RASGRP1: variants seen among roughly 807,000 people sequenced by gnomAD.
The protein encoded by RASGRP1 is RAS guanyl releasing protein 1.
Under a neutral mutation model 95.1 loss-of-function variants are expected in RASGRP1, and 37 were observed. The ratio of observed to expected loss-of-function variants is 0.39; its 90% CI spans 0.30 to 0.51. The LOEUF is 0.51. Among genes scored for constraint, RASGRP1 ranks in the 20% least tolerant of loss-of-function variants. The pLI, the probability that RASGRP1 is intolerant of heterozygous loss-of-function variation, is 0.80. For missense variants in RASGRP1, 711 were observed against 965.4 expected, an observed-to-expected ratio of 0.74 and a Z score of 3.49; for synonymous variants, 325 against 353.4, an observed-to-expected ratio of 0.92 and a Z score of 0.90.
chr15:38,525,716 G>A (rs1410778382), intron 3 of RASGRP1, among the ~76,000 whole-genome samples: 1 of 152,182 alleles, frequency 6.6e-6, no homozygotes, highest in Non-Finnish European at 1.5e-5. Flanking sequence ...TTTTGTGGGG[G>A]CTGCTGCTTA....
intron 2 of RASGRP1, among the ~76,000 whole-genome samples, chr15:38,556,226 T>C (rs1893546483): frequency 1.3e-5 from 2 of 151,862 alleles, no homozygotes; most frequent in Admixed American, 1.3e-4. Flanking sequence ...AAGGCGGGAG[T>C]GGGTTGTTTC....
In RASGRP1 at chr15:38,564,423, G is replaced by T. The variant is rs544536175; in HGVS notation, c.35+171C>A. ...CCCTCCCCGAAACCCCGGGCGCAGCGCGCCGGGCGTTCTGGACACGTCCGC... is the reference window on the plus strand; with the variant it reads ...CCCTCCCCGAAACCCCGGGCGCAGCTCGCCGGGCGTTCTGGACACGTCCGC... On this transcript the variant is annotated intron_variant, in intron 1 of 16. Transcript: ENST00000310803. Among the ~76,000 whole-genome samples the T allele has an allele frequency of 5.9e-5, 9 of 151,988 alleles. No individual in the cohort carries two copies. In the South Asian group the frequency reaches 1.9e-3, roughly 32 times the overall value.
chr15:38,492,074 G>GTTCT (rs1387718362), intron 16 of RASGRP1, among the ~76,000 whole-genome samples: 1 of 152,122 alleles, frequency 6.6e-6, no homozygotes, highest in African/African-American at 2.4e-5. Flanking sequence ...CAAGACCAAA[G>GTTCT]TTCTTTCTAT....
chr15:38,512,233 A>G (rs1891556424), intron 7 of RASGRP1, among the ~76,000 whole-genome samples: 1 of 152,218 alleles, frequency 6.6e-6, no homozygotes, highest in African/African-American at 2.4e-5. Flanking sequence ...TTTGAGGGTA[A>G]GGACTTTGTC....
chr15:38,515,889 G>GAA (rs1891752563), intron 6 of RASGRP1, among the ~76,000 whole-genome samples: 1 of 126,516 alleles, frequency 7.9e-6, no homozygotes, highest in Admixed American at 7.7e-5. Context: ...GAGAGAGACA[G>GAA]AGAGAGAGAG....
chr15:38,524,334 T>A (rs1021760138), intron 3 of RASGRP1: 2 of 152,034 alleles, frequency 1.3e-5, no homozygotes, highest in African/African-American at 4.8e-5. Flanking sequence ...TGGTGAGAAA[T>A]CACCCACAGA....
At position 38,507,848 on chromosome 15, in the gene RASGRP1, C is replaced by T. The variant is rs748225035; in HGVS notation, c.1120G>A (p.Glu374Lys). ...TTATGGACGTTCACTTTCCCGTCCT[C>T]CAGATAGTCAGGCATGGCTTCATAC... ...SLYEAMPDYL[E>K]DGKVNVHKLL... The change falls in exon 9 of 17, where the codon GAG (glutamate) becomes AAG (lysine). Residue 374 changes from glutamate to lysine, a missense_variant. Transcript: ENST00000310803. 6.2e-6 allele frequency: 10 copies of T among 1,613,638 alleles called. No homozygotes were observed. The South Asian group carries it at 9.9e-5, about 16-fold the overall frequency.
At chr15:38,521,391 T>TTATCC (rs1316166000) in intron 3 of RASGRP1, among the ~76,000 whole-genome samples, 2 of 152,190 alleles carry the variant, frequency 1.3e-5, no homozygotes, top group Non-Finnish European at 2.9e-5. Context: ...CAGTGGCTCC[T>TTATCC]TATCCTTCCC....
chr15:38,520,975 C>T (rs937087822), intron 3 of RASGRP1, among the ~76,000 whole-genome samples: 2 of 151,876 alleles, frequency 1.3e-5, no homozygotes, highest in African/African-American at 4.8e-5. Flanking sequence ...TAAAATCTGC[C>T]CTTTAGATCA....
Position 38,526,279 on chromosome 15 carries a change from G to A in RASGRP1, c.326+20C>T, listed in dbSNP as rs1338156838. On this transcript the variant is annotated intron_variant, in intron 3 of 16. Coordinates refer to ENST00000310803, the MANE Select transcript of RASGRP1 (RefSeq NM_005739.4). Reference sequence around the variant, plus strand: ...GGTGGATCCCATTTTGGGATTGCCAGTCACTATGTTAAAGGATATAGGGTG... The same window carrying A: ...GGTGGATCCCATTTTGGGATTGCCAATCACTATGTTAAAGGATATAGGGTG... The A allele has an allele frequency of 6.3e-7, 1 of 1,585,690 alleles. No homozygotes were observed. The highest frequency in any genetic ancestry group is 2.2e-5 in the East Asian group (1 of 44,682).
chr15:38,553,575 C>T (rs1893422917), intron 2 of RASGRP1, among the ~76,000 whole-genome samples: 1 of 152,168 alleles, frequency 6.6e-6, no homozygotes, highest in African/African-American at 2.4e-5. Flanking sequence ...ACCCTCCCAG[C>T]ACCATAGGAA....
At chr15:38,524,638 G>A (rs986444346) in intron 3 of RASGRP1, among the ~76,000 whole-genome samples, 7 of 152,182 alleles carry the variant, frequency 4.6e-5, no homozygotes, top group Admixed American at 2.0e-4. Context: ...ACTTCACACA[G>A]TTACGAAGTG....
At chr15:38,512,483 G>A (rs998387459) in intron 7 of RASGRP1, among the ~76,000 whole-genome samples, 4 of 152,200 alleles carry the variant, frequency 2.6e-5, no homozygotes, top group Admixed American at 2.0e-4. Context: ...GGCCAGACTC[G>A]GGAAAATAAT....
chr15:38,508,215 A>G (rs1317844456), intron 8 of RASGRP1, among the ~76,000 whole-genome samples: 1 of 152,254 alleles, frequency 6.6e-6, no homozygotes, highest in Non-Finnish European at 1.5e-5. Flanking sequence ...AACACAAGAT[A>G]TGCTTGAATC....
intron 2 of RASGRP1, 144 bp from the exon 3 acceptor site, chr15:38,526,548 G>A: frequency 3.4e-6 from 2 of 596,502 alleles, no homozygotes; most frequent in Non-Finnish European, 5.9e-6. Context: ...GCCCCCCTCT[G>A]TTTTTCTCAT....
intron 2 of RASGRP1, among the ~76,000 whole-genome samples, chr15:38,556,702 C>A (rs920226356): frequency 6.6e-6 from 1 of 152,306 alleles, no homozygotes; most frequent in Middle Eastern, 3.4e-3. Flanking sequence ...GAAATGAAAT[C>A]TTACATTTAA....
chr15:38,543,305 G>A (rs1452721431), intron 2 of RASGRP1, among the ~76,000 whole-genome samples: 3 of 151,764 alleles, frequency 2.0e-5, no homozygotes, highest in Admixed American at 1.3e-4. Flanking sequence ...TCCTTTCTTC[G>A]TTAACCTGCC....
intron 9 of RASGRP1, 33 bp downstream of exon 9, chr15:38,507,693 T>C: frequency 6.5e-7 from 1 of 1,545,232 alleles, no homozygotes; most frequent in Non-Finnish European, 8.8e-7. Context: ...ACACAGAAAG[T>C]GCTTAGTAAT....
In RASGRP1 at chr15:38,519,295, TAAAG is replaced by T; in HGVS notation, c.389+10_389+13del. ...TTGCTCCACAAAGTCTTGAAATACA[TAAAG>T]AAACATTACCTTACAAAATAACAGA... On this transcript the variant is annotated intron_variant, in intron 4 of 16. Transcript: ENST00000310803. The T allele has an allele frequency of 1.3e-6, 2 of 1,516,812 alleles. No homozygotes were observed. Among genetic ancestry groups the T allele is most frequent in the Non-Finnish European group, 1.8e-6 (2 of 1,095,234 alleles). The allele number at this position is 1,516,812 out of a possible 1,614,324, so 94.0% of individuals were successfully genotyped here.
Sources: allele counts gnomAD v4.1 joint callset (sites outside exome capture counted in the v4.1 genomes callset), GRCh38; gene constraint gnomAD v4.1.1; transcripts MANE v1.5; gene names NCBI Gene and HGNC (gene_info 2026-07-23, HGNC 2026-07-21).